The following WNT4 variants were observed in gnomAD, a reference collection of about 807,000 sequenced individuals.
The protein encoded by WNT4 is protein Wnt-4.
WNT4 carries 16 observed loss-of-function variants against 34.5 expected under a neutral mutation model. The ratio of observed to expected loss-of-function variants is 0.46; its 90% CI spans 0.31 to 0.70. The LOEUF is 0.70. Among genes scored for constraint, WNT4 ranks in the 30% least tolerant of loss-of-function variants. The probability of loss-of-function intolerance (pLI) is 0.04; values close to 1 mark genes in which losing one functional copy is unlikely to be tolerated. For synonymous variants in WNT4, 200 were observed against 211.9 expected (o/e 0.94, Z 0.49); for missense variants, 379 against 495.9 (o/e 0.76, Z 2.24).
In WNT4 at chr1:22,117,681, G is replaced by A. The variant is rs947149104; in HGVS notation, c.*2369C>T. ...TGCAGCACTGGCGGTGGTTGGCCTG[G>A]GCAGTGGTTCCTAGAATTTGGTCTC... On this transcript the variant is annotated 3_prime_UTR_variant, in exon 5 of 5. Coordinates refer to ENST00000290167, the MANE Select transcript of WNT4 (RefSeq NM_030761.5). 1.3e-5 allele frequency: 2 copies of A among 152,294 alleles called. No homozygotes were observed. Among genetic ancestry groups the A allele is most frequent in the African/African-American group, 4.8e-5 (2 of 41,452 alleles). 9.4% of individuals were successfully genotyped at this position (152,294 alleles called of 1,614,324 possible). A position where few individuals can be genotyped will look rare whatever the true frequency, so the allele number is the denominator to read the frequency against.
rs1646081203 is a variant in WNT4 at position 22,142,772 on chromosome 1, C to A, written c.77+74G>T. On this transcript the variant is annotated intron_variant, in intron 1 of 4. Transcript: ENST00000290167. This position sits in a 1 kb window ranked among gnomAD's most constrained non-coding sequence, Gnocchi z 6.0. ...GCTGCCCCGCGCCCGCTGCCCCGCG[C>A]CGCCTGGCACCGGCCGCTGCCCCCG... 2.1e-6 allele frequency: 2 copies of A among 952,992 alleles called. No homozygotes were observed. Among genetic ancestry groups the A allele is most frequent in the South Asian group, 4.6e-5 (1 of 21,590 alleles). The allele number at this position is 952,992 out of a possible 1,614,324, so 59.0% of individuals were successfully genotyped here. A position where few individuals can be genotyped will look rare whatever the true frequency, so the allele number is the denominator to read the frequency against.
In WNT4 at chr1:22,120,432, G is replaced by A. The variant is rs140262773; in HGVS notation, c.674C>T (p.Pro225Leu). 101 of 1,613,624 alleles carry A rather than the reference G, an allele frequency of 6.3e-5. No individual in the cohort carries two copies. The highest frequency in any genetic ancestry group is 8.3e-5 in the Admixed American group (5 of 60,002). The stretch of plus-strand genomic sequence containing the variant: ...TGCGTGACCCACCTGGCGGAAGGGC[G>A]GCACGGCTCGCCAGCACGTCTTTAC... ...CEVKTCWRAVPPFRQVGHALK... is the reference protein window; with the variant it reads ...CEVKTCWRAVLPFRQVGHALK... Residue 225 changes from proline to leucine, a missense_variant, in exon 5 of 5, where the codon CCG becomes CTG. Pro to Leu is a moderately conservative substitution (Grantham distance 98). Around this residue, in one of 2 missense-constraint regions of WNT4, gnomAD observed 313 missense variants for 445.8 expected, o/e 0.70. Transcript: ENST00000290167.
intron 1 of WNT4, among the ~76,000 whole-genome samples, chr1:22,138,407 C>A (rs1425377801): frequency 1.3e-5 from 2 of 150,974 alleles, no homozygotes; most frequent in African/African-American, 4.9e-5. Context: ...ATTTTGCCCG[C>A]CCCCCAGGGG....
chr1:22,122,053 A>G (rs994057518), intron 2 of WNT4, among the ~76,000 whole-genome samples: 1 of 152,172 alleles, frequency 6.6e-6, no homozygotes, highest in Non-Finnish European at 1.5e-5. Context: ...GGCCTGGACT[A>G]TAAACTCAGG....
At chr1:22,126,702 A>G (rs888090565) in intron 2 of WNT4, among the ~76,000 whole-genome samples, 1 of 152,212 alleles carries the variant, frequency 6.6e-6, no homozygotes, top group Non-Finnish European at 1.5e-5. Flanking sequence ...CCATGCCCCC[A>G]GTCCTGAGAG....
intron 2 of WNT4, among the ~76,000 whole-genome samples, chr1:22,126,154 A>G (rs185870403): frequency 6.6e-6 from 1 of 152,292 alleles, no homozygotes; most frequent in East Asian, 1.9e-4. Flanking sequence ...TTCAGCCTAG[A>G]ACACACAGTT....
intron 1 of WNT4, among the ~76,000 whole-genome samples, chr1:22,141,852 T>C (rs1253327329): frequency 6.6e-6 from 1 of 152,232 alleles, no homozygotes; most frequent in Non-Finnish European, 1.5e-5. Context: ...AGCTACACTG[T>C]TGGCGATCCC....
intron 1 of WNT4, 28 bp from the exon 2 acceptor site, chr1:22,129,879 A>G: frequency 6.2e-7 from 1 of 1,610,828 alleles, no homozygotes; most frequent in Non-Finnish European, 8.5e-7. Flanking sequence ...CGTGATGCAG[A>G]GCCCACCTCC....
intron 2 of WNT4, among the ~76,000 whole-genome samples, chr1:22,128,428 T>G (rs923820091): frequency 2.6e-5 from 4 of 152,172 alleles, no homozygotes; most frequent in Admixed American, 2.0e-4. Flanking sequence ...GGGCGGGAGC[T>G]TGGCCGGCGA....
At position 22,121,509 on chromosome 1, in the gene WNT4, C is replaced by T. The variant is rs745481107; in HGVS notation, c.381G>A (p.Ala127=). ...SAGVAFAVTR[A]CSSGELEKCG... ...ACTTCTCCAGCTCCCCACTGCTGCA[C>T]GCCCGCGTCACTGCAAAGGCCACAC... The change falls in exon 3 of 5, where the codon GCG becomes GCA. Residue 127 remains alanine (A), a synonymous_variant. Transcript: ENST00000290167. 38 of 1,613,940 alleles carry T rather than the reference C, an allele frequency of 2.4e-5. No homozygotes were observed. Among genetic ancestry groups the T allele is most frequent in the South Asian group, 2.1e-4 (19 of 91,090 alleles).
chr1:22,128,492 T>C (rs956572884), intron 2 of WNT4, among the ~76,000 whole-genome samples: 4 of 152,152 alleles, frequency 2.6e-5, no homozygotes, highest in African/African-American at 9.7e-5. Context: ...CTGGTCCCCC[T>C]GTCTTTGGCT....
intron 2 of WNT4, among the ~76,000 whole-genome samples, chr1:22,124,931 C>A (rs1299562045): frequency 1.3e-5 from 2 of 152,190 alleles, no homozygotes; most frequent in African/African-American, 4.8e-5. Context: ...CCCCATTCTC[C>A]AACCTCTATC....
At chr1:22,121,661 C>T in intron 2 of WNT4, 85 bp from the exon 3 acceptor site, 3 of 1,560,978 alleles carry the variant, frequency 1.9e-6, no homozygotes, top group South Asian at 1.1e-5. Flanking sequence ...GCATATGGAG[C>T]CTCCTGCTTG....
Position 22,142,798 on chromosome 1 carries a change from G to A in WNT4, c.77+48C>T. On this transcript the variant is annotated intron_variant, in intron 1 of 4. Coordinates refer to ENST00000290167, the MANE Select transcript of WNT4 (RefSeq NM_030761.5). This position sits in a 1 kb window ranked among gnomAD's most constrained non-coding sequence, Gnocchi z 6.0. Reference sequence around the variant, plus strand: ...CGCCTGGCACCGGCCGCTGCCCCCGGGGCCTGCCCCGCCCCGCCCCGCCCC... The same window carrying A: ...CGCCTGGCACCGGCCGCTGCCCCCGAGGCCTGCCCCGCCCCGCCCCGCCCC... The A allele has an allele frequency of 9.2e-7, 1 of 1,091,424 alleles. No homozygotes were observed. Among genetic ancestry groups the A allele is most frequent in the Non-Finnish European group, 1.1e-6 (1 of 882,512 alleles). 67.6% of individuals were successfully genotyped at this position (1,091,424 alleles called of 1,614,324 possible).
intron 4 of WNT4, among the ~76,000 whole-genome samples, 194 bp downstream of exon 4, chr1:22,121,017 C>G (rs1645893438): frequency 6.6e-6 from 1 of 152,034 alleles, no homozygotes; most frequent in Non-Finnish European, 1.5e-5. Flanking sequence ...GGCCACTTAC[C>G]CCATTCTGTA....
At chr1:22,127,380 G>A (rs1223046348) in intron 2 of WNT4, 1 of 533,312 alleles carries the variant, frequency 1.9e-6, no homozygotes, top group Non-Finnish European at 3.8e-6. Context: ...GGCCAGCATT[G>A]CCCCAGGCTA....
At position 22,143,012 on chromosome 1, in the gene WNT4, C is replaced by T. The variant is rs1238153477; in HGVS notation, c.-90G>A. On this transcript the variant is annotated 5_prime_UTR_variant, in exon 1 of 5. Transcript: ENST00000290167. ...TGCAGGTGGGCGCCCGCGGGCGGGC[C>T]GGGGCGCGCGCGGCGGGGCTCTGCC... 2.1e-5 allele frequency: 11 copies of T among 513,164 alleles called. No individual in the cohort carries two copies. Among genetic ancestry groups the T allele is most frequent in the Non-Finnish European group, 1.5e-5 (6 of 402,990 alleles). 31.8% of individuals were successfully genotyped at this position (513,164 alleles called of 1,614,324 possible). A position where few individuals can be genotyped will look rare whatever the true frequency, so the allele number is the denominator to read the frequency against.
At chr1:22,122,348 C>T (rs1416321170) in intron 2 of WNT4, among the ~76,000 whole-genome samples, 1 of 152,088 alleles carries the variant, frequency 6.6e-6, no homozygotes, top group African/African-American at 2.4e-5. Flanking sequence ...CCCAGTCACC[C>T]AGCCAGAGAG....
intron 1 of WNT4, among the ~76,000 whole-genome samples, chr1:22,141,149 C>T (rs955272295): frequency 2.6e-5 from 4 of 152,244 alleles, no homozygotes; most frequent in African/African-American, 9.6e-5. Flanking sequence ...ACTCCCTAGG[C>T]CTCAGTTTCC....
Sources: allele counts gnomAD v4.1 joint callset (sites outside exome capture counted in the v4.1 genomes callset), GRCh38; gene constraint gnomAD v4.1.1; regional missense constraint gnomAD v4.1.1; non-coding constraint Gnocchi (gnomAD v3.1); transcripts MANE v1.5; gene names NCBI Gene and HGNC (gene_info 2026-07-23, HGNC 2026-07-21).